Variants in MYCBP2 observed in about 807,000 individuals in gnomAD.
MYCBP2 encodes MYC binding protein 2, also known as E3 ubiquitin-protein ligase MYCBP2.
Under a neutral mutation model 525.3 loss-of-function variants are expected in MYCBP2, and 120 were observed. The observed-to-expected ratio is 0.23, with a 90% confidence interval of 0.20 to 0.27. The LOEUF is 0.27. Ranked by LOEUF, MYCBP2 falls within the 10% of genes least tolerant of loss-of-function variation. The pLI, the probability that MYCBP2 is intolerant of heterozygous loss-of-function variation, is 1.00. For missense variants in MYCBP2, 4,149 were observed against 5,657.1 expected, an observed-to-expected ratio of 0.73 and a Z score of 8.55; for synonymous variants, 1,894 against 1,955.8, an observed-to-expected ratio of 0.97 and a Z score of 0.83.
rs779825182 is a variant in MYCBP2, at chr13:77,247,435, A to AT, written c.2382-3485dup. ...ATTGCTGAAAGAAATTAAAGATGACATAAGTAGAAACACATCTATGTTCAT... is the reference window on the plus strand; with the variant it reads ...ATTGCTGAAAGAAATTAAAGATGACATTAAGTAGAAACACATCTATGTTCAT... On this transcript the variant is annotated intron_variant, in intron 15 of 82. Transcript: ENST00000544440. Among the ~76,000 whole-genome samples the AT allele has an allele frequency of 6.6e-4, 101 of 152,226 alleles. 2 individuals are homozygous for AT. The highest frequency in any genetic ancestry group is 1.9e-4 in the Non-Finnish European group (13 of 68,034).
At chr13:77,202,068 CA>C (rs1464590236) in intron 26 of MYCBP2, among the ~76,000 whole-genome samples, 1 of 151,874 alleles carries the variant, frequency 6.6e-6, no homozygotes, top group Non-Finnish European at 1.5e-5. Flanking sequence ...AATAGAGACA[CA>C]AAAAACCCTT....
At chr13:77,232,426 A>G (rs754164388) in intron 18 of MYCBP2, among the ~76,000 whole-genome samples, 1 of 152,188 alleles carries the variant, frequency 6.6e-6, no homozygotes, top group Non-Finnish European at 1.5e-5. Context: ...CTTGTATTAA[A>G]TTCTTTCCTG....
chr13:77,226,914 C>A (rs1009245827), intron 18 of MYCBP2, among the ~76,000 whole-genome samples: 1 of 152,152 alleles, frequency 6.6e-6, no homozygotes, highest in Admixed American at 6.5e-5. Context: ...TTGTTACCTT[C>A]AAGCAGTACA....
At chr13:77,316,704 A>G (rs1387181490) in intron 1 of MYCBP2, among the ~76,000 whole-genome samples, 1 of 152,120 alleles carries the variant, frequency 6.6e-6, no homozygotes, top group African/African-American at 2.4e-5. Flanking sequence ...ACTCTTCTCT[A>G]CTAGCCATTC....
chr13:77,263,747 C>G lies in MYCBP2; in HGVS notation c.1474G>C (p.Val492Leu). Residue 492 changes from valine (V) to leucine (L), a missense_variant, in exon 10 of 83, where the codon GTT becomes CTT. By Grantham distance (32) the Val-to-Leu change is conservative. Around this residue, in one of 21 missense-constraint regions of MYCBP2, gnomAD observed 262 missense variants for 419.3 expected, o/e 0.62. Coordinates refer to ENST00000544440, the MANE Select transcript of MYCBP2 (RefSeq NM_015057.5). ...TTAAGTTGCAATTCTTGCTGTAGAACAGGTTCAGTGCTTGTGGCAAATATT... is the reference window on the plus strand; with the variant it reads ...TTAAGTTGCAATTCTTGCTGTAGAAGAGGTTCAGTGCTTGTGGCAAATATT... ...VRIFATSTEPVLQQELQLKLA... is the reference protein window; with the variant it reads ...VRIFATSTEPLLQQELQLKLA... 6.2e-7 allele frequency: 1 copy of G among 1,613,138 alleles called. No individual in the cohort carries two copies. Among genetic ancestry groups the G allele is most frequent in the Non-Finnish European group, 8.5e-7 (1 of 1,179,438 alleles).
At chr13:77,052,056 A>G (rs1336078934) in intron 80 of MYCBP2, 138 bp from the exon 81 acceptor site, 5 of 644,288 alleles carry the variant, frequency 7.8e-6, no homozygotes, top group Non-Finnish European at 1.4e-5. Flanking sequence ...TTGAAATGCC[A>G]AGTGCATGCC....
intron 15 of MYCBP2, among the ~76,000 whole-genome samples, chr13:77,244,334 T>C (rs2154318133): frequency 6.6e-6 from 1 of 152,278 alleles, no homozygotes; most frequent in Middle Eastern, 3.4e-3. Context: ...AATGTTGCTG[T>C]CCAGCAGATA....
In MYCBP2 at chr13:77,194,204, T is replaced by C. The variant is rs767041946; in HGVS notation, c.3884A>G (p.Asp1295Gly). Residue 1295 changes from aspartate to glycine, a missense_variant, in exon 27 of 83, where the codon GAT becomes GGT. By Grantham distance (94) the Asp-to-Gly change is moderately conservative. Around this residue, in one of 21 missense-constraint regions of MYCBP2, gnomAD observed 620 missense variants for 795.5 expected, o/e 0.78. Coordinates refer to ENST00000544440, the MANE Select transcript of MYCBP2 (RefSeq NM_015057.5). ...ATCAGTCTCTGCAAGAAGGTCACCA[T>C]CAGTTTCATGATCTCCTCCATCAGG... ...LGPDGGDHET[D>G]GDLLAETDVL... The C allele has an allele frequency of 1.2e-6, 2 of 1,613,582 alleles. No homozygotes were observed. Among genetic ancestry groups the C allele is most frequent in the Non-Finnish European group, 8.5e-7 (1 of 1,179,684 alleles).
At chr13:77,065,669 G>A (rs2040082959) in intron 72 of MYCBP2, among the ~76,000 whole-genome samples, 1 of 152,136 alleles carries the variant, frequency 6.6e-6, no homozygotes, top group East Asian at 1.9e-4. Context: ...ACTTTCGAGA[G>A]CTCTCTTCCT....
intron 44 of MYCBP2, among the ~76,000 whole-genome samples, chr13:77,160,818 T>G (rs1027906736): frequency 2.0e-5 from 3 of 152,206 alleles, no homozygotes; most frequent in African/African-American, 7.2e-5. Context: ...ACTAAGGCTA[T>G]AACAGAGTCT....
Position 77,177,227 on chromosome 13 carries a change from C to A in MYCBP2, c.5340+521G>T, listed in dbSNP as rs373598061. On this transcript the variant is annotated intron_variant, in intron 35 of 82. Coordinates refer to ENST00000544440, the MANE Select transcript of MYCBP2 (RefSeq NM_015057.5). Reference sequence around the variant, plus strand: ...TTTAGTCTTTAATTCTACTTTAAATCTTTCTCTTTCTGAAAGTACAAAAAA... The same window carrying A: ...TTTAGTCTTTAATTCTACTTTAAATATTTCTCTTTCTGAAAGTACAAAAAA... Among the ~76,000 whole-genome samples the A allele has an allele frequency of 1.1e-4, 16 of 150,760 alleles. No homozygotes were observed. In the East Asian group the frequency reaches 2.5e-3, roughly 24 times the overall value.
At chr13:77,286,085 G>A (rs2076726591) in intron 3 of MYCBP2, among the ~76,000 whole-genome samples, 1 of 152,138 alleles carries the variant, frequency 6.6e-6, no homozygotes, top group African/African-American at 2.4e-5. Context: ...GAAATATGAA[G>A]CAAGCCATCT....
intron 3 of MYCBP2, among the ~76,000 whole-genome samples, chr13:77,283,413 T>C (rs2076401734): frequency 6.6e-6 from 1 of 152,188 alleles, no homozygotes; most frequent in Non-Finnish European, 1.5e-5. Flanking sequence ...AAGACAATGC[T>C]TTCTTGAGGG....
chr13:77,222,221 G>A (rs576509661), intron 20 of MYCBP2, among the ~76,000 whole-genome samples: 3 of 152,210 alleles, frequency 2.0e-5, no homozygotes, highest in Non-Finnish European at 4.4e-5. Flanking sequence ...TAACACCTGT[G>A]ACAGTAATTG....
intron 13 of MYCBP2, 45 bp downstream of exon 13, chr13:77,260,383 T>G: frequency 7.3e-7 from 1 of 1,367,656 alleles, no homozygotes; most frequent in South Asian, 1.4e-5. Flanking sequence ...ACATAACTAG[T>G]ATTGAAACTT....
intron 46 of MYCBP2, among the ~76,000 whole-genome samples, chr13:77,154,377 G>A (rs1816711399): frequency 6.7e-6 from 1 of 150,116 alleles, no homozygotes; most frequent in Admixed American, 6.6e-5. Context: ...GGAAAAAGGA[G>A]AAGGAGGTGA....
At chr13:77,084,274 C>T (rs2043831992) in intron 62 of MYCBP2, among the ~76,000 whole-genome samples, 1 of 152,164 alleles carries the variant, frequency 6.6e-6, no homozygotes, top group African/African-American at 2.4e-5. Flanking sequence ...TGCTACTCCA[C>T]AGCAAAGAAT....
chr13:77,157,081 A>G (rs2057297581), intron 45 of MYCBP2, among the ~76,000 whole-genome samples: 1 of 152,120 alleles, frequency 6.6e-6, no homozygotes, highest in South Asian at 2.1e-4. Context: ...TAATAAATTT[A>G]ATTTAATTAG....
At chr13:77,203,073 G>A (rs1300374141) in intron 26 of MYCBP2, among the ~76,000 whole-genome samples, 4 of 151,550 alleles carry the variant, frequency 2.6e-5, no homozygotes, top group South Asian at 2.1e-4. Context: ...GGAAATAAAG[G>A]GTATTCAATT....
Sources: gnomAD v4.1 joint callset for allele counts (sites outside exome capture counted in the v4.1 genomes callset) on GRCh38, gnomAD v4.1.1 for gene constraint, gnomAD v4.1.1 regional missense constraint, MANE v1.5 for transcripts, NCBI Gene and HGNC (gene_info 2026-07-23, HGNC 2026-07-21) for gene names.